Variants in BLTP3B observed in about 807,000 individuals in gnomAD.
The protein encoded by BLTP3B is UHRF1 (ICBP90) binding protein 1-like.
At chr12:100,107,378 C>A in the BLTP3B span, among the ~76,000 whole-genome samples, 1 of 149,006 alleles carries the variant, frequency 6.7e-6, no homozygotes, top group Non-Finnish European at 1.5e-5. Flanking sequence ...AAACAGAGAC[C>A]CTTAAAAATC....
chr12:100,066,330 C>T, the BLTP3B span, among the ~76,000 whole-genome samples: 5 of 151,940 alleles, frequency 3.3e-5, no homozygotes, highest in Admixed American at 1.3e-4. Context: ...TATCACAATC[C>T]GAAACATACA....
the BLTP3B span, among the ~76,000 whole-genome samples, chr12:100,116,155 G>C: frequency 7.2e-6 from 1 of 139,146 alleles, no homozygotes; most frequent in African/African-American, 2.9e-5. Context: ...CCGGGTGACA[G>C]AATGAGACTG....
At chr12:100,058,086 T>A in the BLTP3B span, 2 of 1,606,994 alleles carry the variant, frequency 1.2e-6, no homozygotes, top group Non-Finnish European at 8.5e-7. Flanking sequence ...TTTACTGATA[T>A]CCAGGTTTTC....
chr12:100,108,971 G>A, the BLTP3B span, among the ~76,000 whole-genome samples: 2 of 152,144 alleles, frequency 1.3e-5, no homozygotes, highest in Non-Finnish European at 2.9e-5. Context: ...ATACAATTAG[G>A]TAGAATGAAT....
the BLTP3B span, chr12:100,108,393 G>A: frequency 1.9e-6 from 3 of 1,610,928 alleles, no homozygotes; most frequent in Non-Finnish European, 2.5e-6. Flanking sequence ...CACCCTAATG[G>A]ACGCTTTATT....
the BLTP3B span, chr12:100,051,320 C>G: frequency 9.4e-7 from 1 of 1,063,420 alleles, no homozygotes; most frequent in Non-Finnish European, 1.3e-6. Flanking sequence ...CCCTTCAACT[C>G]TTTCTCAAGC....
At chr12:100,065,194 C>A in the BLTP3B span, among the ~76,000 whole-genome samples, 1 of 151,862 alleles carries the variant, frequency 6.6e-6, no homozygotes, top group Admixed American at 6.6e-5. Flanking sequence ...ATCCTGTTAT[C>A]TTCGTAAATT....
chr12:100,093,552 T>C, the BLTP3B span, among the ~76,000 whole-genome samples: 1 of 152,232 alleles, frequency 6.6e-6, no homozygotes, highest in Non-Finnish European at 1.5e-5. Context: ...TCTATCTTGT[T>C]TCCCAGAGGA....
At chr12:100,103,103 G>C in the BLTP3B span, among the ~76,000 whole-genome samples, 16 of 151,976 alleles carry the variant, frequency 1.1e-4, no homozygotes, top group Non-Finnish European at 1.5e-4. Flanking sequence ...GTGTTGGGGG[G>C]TGGGGAATTA....
chr12:100,134,129 T>TA, the BLTP3B span, among the ~76,000 whole-genome samples: 8,800 of 150,852 alleles, frequency 0.058, 780 homozygotes, highest in African/African-American at 0.2. Flanking sequence ...CTTAAAAGGA[T>TA]AAAAAAAAAC....
At chr12:100,104,884 C>CAAAAAAAAA in the BLTP3B span, among the ~76,000 whole-genome samples, 2 of 66,022 alleles carry the variant, frequency 3.0e-5, no homozygotes, top group Non-Finnish European at 5.6e-5. Context: ...ACTGCTACTA[C>CAAAAAAAAA]AAAAAAAAAA....
chr12:100,082,910 A>G, the BLTP3B span: 1 of 802,934 alleles, frequency 1.2e-6, no homozygotes, highest in Non-Finnish European at 2.0e-6. Flanking sequence ...CATTTCATAA[A>G]CCTTGTAAAG....
At chr12:100,072,971 A>G in the BLTP3B span, among the ~76,000 whole-genome samples, 1 of 152,224 alleles carries the variant, frequency 6.6e-6, no homozygotes, top group African/African-American at 2.4e-5. Context: ...ACATGGAATT[A>G]TTTTTAAACA....
the BLTP3B span, chr12:100,059,569 C>A: frequency 1.3e-6 from 2 of 1,528,894 alleles, no homozygotes; most frequent in Non-Finnish European, 1.7e-6. Flanking sequence ...ATCCAACTGG[C>A]AAATCCATAC....
chr12:100,115,944 G>A, the BLTP3B span, among the ~76,000 whole-genome samples: 2 of 152,086 alleles, frequency 1.3e-5, no homozygotes, highest in East Asian at 1.9e-4. Flanking sequence ...TAAGGCAGGC[G>A]GATCACCTAA....
chr12:100,133,629 C>T, the BLTP3B span, among the ~76,000 whole-genome samples: 1 of 152,176 alleles, frequency 6.6e-6, no homozygotes, highest in Non-Finnish European at 1.5e-5. Flanking sequence ...GGACAAGTCA[C>T]AAATGTCAAT....
chr12:100,095,941 A>G, the BLTP3B span: 5 of 1,086,850 alleles, frequency 4.6e-6, no homozygotes, highest in Non-Finnish European at 5.1e-6. Context: ...AGAAATATGG[A>G]TTCTTCCTTC....
the BLTP3B span, among the ~76,000 whole-genome samples, chr12:100,056,282 G>A: frequency 1.3e-5 from 2 of 152,106 alleles, no homozygotes; most frequent in African/African-American, 4.8e-5. Flanking sequence ...CTTACAATTT[G>A]ATGAGGTTTG....
At chr12:100,139,014 CAGT>C in the BLTP3B span, among the ~76,000 whole-genome samples, 2 of 152,190 alleles carry the variant, frequency 1.3e-5, no homozygotes, top group South Asian at 2.1e-4. Flanking sequence ...AAAATACATT[CAGT>C]CCTATTACAG....
Sources: gnomAD v4.1 joint callset for allele counts (sites outside exome capture counted in the v4.1 genomes callset) on GRCh38, gnomAD v4.1.1 for gene constraint, MANE v1.5 for transcripts, NCBI Gene and HGNC (gene_info 2026-07-23, HGNC 2026-07-21) for gene names.